KLF12: variants seen among roughly 807,000 people sequenced by gnomAD.
KLF12 encodes Krueppel-like factor 12.
Under a neutral mutation model 37.8 loss-of-function variants are expected in KLF12, and 9 were observed. The observed-to-expected ratio is 0.24, with a 90% CI of 0.14 to 0.42. The LOEUF is 0.42. Among genes scored for constraint, KLF12 ranks in the 10% least tolerant of loss-of-function variants. The probability of loss-of-function intolerance (pLI) is 1.00; values close to 1 mark genes in which losing one functional copy is unlikely to be tolerated. For synonymous variants in KLF12, 208 were observed against 202.1 expected, an observed-to-expected ratio of 1.03 and a Z score of -0.25; for missense variants, 411 against 516.0, an observed-to-expected ratio of 0.80 and a Z score of 1.97.
rs182777305 is a variant in KLF12 at position 74,010,125 on chromosome 13, T to A, written c.-31-15072A>T. 4.6e-5 allele frequency among the ~76,000 whole-genome samples: 7 copies of A among 151,928 alleles called. No homozygotes were observed. The East Asian group carries it at 1.4e-3, about 29-fold the overall frequency. ...CCACCACACCTGGCTGATTTTTTGG[T>A]AGAGACTGGGTTTTGTCACATGGCC... On this transcript the variant is annotated intron_variant, in intron 1 of 7. Transcript: ENST00000377669.
rs1306268375 is a variant in KLF12 at position 74,093,719 on chromosome 13, AT to A, written c.-32+40019del. On this transcript the variant is annotated intron_variant, in intron 1 of 7. Coordinates refer to ENST00000377669, the MANE Select transcript of KLF12 (RefSeq NM_007249.5). ...AAGAATTGACTCCAAAAAGAAAAAA[AT>A]ATATATATAAATATATATAGTGAGA... 7.3e-5 allele frequency among the ~76,000 whole-genome samples: 11 copies of A among 151,302 alleles called. No homozygotes were observed. In the East Asian group the frequency reaches 1.7e-3, roughly 24 times the overall value.
the KLF12 span, among the ~76,000 whole-genome samples, chr13:74,284,692 A>G: frequency 6.6e-6 from 1 of 152,178 alleles, no homozygotes; most frequent in Non-Finnish European, 1.5e-5. Flanking sequence ...CCTGGTGGGC[A>G]ATGGTGGCTT....
intron 4 of KLF12, among the ~76,000 whole-genome samples, chr13:73,818,820 G>T (rs1412202397): frequency 6.6e-6 from 1 of 152,212 alleles, no homozygotes; most frequent in Non-Finnish European, 1.5e-5. Context: ...GCGCCACAGG[G>T]CTGATGGACC....
intron 1 of KLF12, among the ~76,000 whole-genome samples, chr13:74,077,387 TC>T (rs2138735971): frequency 6.6e-6 from 1 of 152,342 alleles, no homozygotes; most frequent in East Asian, 1.9e-4. Context: ...AAGGGTATAT[TC>T]TATACTAAAA....
In KLF12 at chr13:73,806,723, C is replaced by T. The variant is rs189517452; in HGVS notation, c.806+6429G>A. ...GAGAATAAACCTCTCCAGGCCTCCG[C>T]TTCTTTATCTGTAGGATACAGACAG... On this transcript the variant is annotated intron_variant, in intron 5 of 7. Transcript: ENST00000377669. Among the ~76,000 whole-genome samples the T allele has an allele frequency of 1.2e-3, 178 of 151,498 alleles. 1 individual carries two copies. The highest frequency in any genetic ancestry group is 4.2e-3 in the African/African-American group (172 of 41,320).
chr13:73,875,289 C>T (rs1349223307), intron 3 of KLF12, among the ~76,000 whole-genome samples: 1 of 152,088 alleles, frequency 6.6e-6, no homozygotes, highest in Non-Finnish European at 1.5e-5. Flanking sequence ...GTTACAAAGA[C>T]CAGTTTGACA....
At chr13:74,230,522 A>G in the KLF12 span, among the ~76,000 whole-genome samples, 1 of 152,186 alleles carries the variant, frequency 6.6e-6, no homozygotes, top group Non-Finnish European at 1.5e-5. Context: ...CAAAAATTCT[A>G]TTCAAGGGCT....
chr13:74,156,965 T>C, the KLF12 span, among the ~76,000 whole-genome samples: 2 of 152,178 alleles, frequency 1.3e-5, no homozygotes, highest in Non-Finnish European at 1.5e-5. Flanking sequence ...ACTTTGGAAA[T>C]TTGACAGAGA....
chr13:74,188,491 T>C, the KLF12 span, among the ~76,000 whole-genome samples: 1 of 152,190 alleles, frequency 6.6e-6, no homozygotes, highest in Non-Finnish European at 1.5e-5. Flanking sequence ...AATTGAAATA[T>C]GTTATTGTTT....
intron 3 of KLF12, among the ~76,000 whole-genome samples, chr13:73,921,812 T>C (rs1214650827): frequency 2.6e-5 from 4 of 152,198 alleles, no homozygotes; most frequent in African/African-American, 9.6e-5. Context: ...TTTGCAGTTA[T>C]CTGCAGCTAA....
At chr13:74,112,323 A>G (rs766176415) in intron 1 of KLF12, among the ~76,000 whole-genome samples, 7 of 146,610 alleles carry the variant, frequency 4.8e-5, no homozygotes, top group African/African-American at 1.3e-4. Context: ...AGAATATAAA[A>G]AGTTCTTTAT....
the KLF12 span, among the ~76,000 whole-genome samples, chr13:74,155,772 A>G: frequency 2.0e-5 from 3 of 152,186 alleles, no homozygotes; most frequent in East Asian, 5.8e-4. Flanking sequence ...CGCTGGTGAT[A>G]TATTCCCTTC....
intron 4 of KLF12, among the ~76,000 whole-genome samples, chr13:73,820,781 C>T (rs545675930): frequency 1.3e-5 from 2 of 152,332 alleles, no homozygotes; most frequent in South Asian, 2.1e-4. Flanking sequence ...TTATAATTCC[C>T]TAGTGCAAGG....
chr13:73,746,032 G>A (rs1425875793), intron 6 of KLF12, among the ~76,000 whole-genome samples: 1 of 150,958 alleles, frequency 6.6e-6, no homozygotes, highest in African/African-American at 2.5e-5. Context: ...ACAACGGTGT[G>A]GCACCTGGCT....
intron 3 of KLF12, among the ~76,000 whole-genome samples, chr13:73,938,289 G>A (rs1890037138): frequency 6.6e-6 from 1 of 152,000 alleles, no homozygotes; most frequent in South Asian, 2.1e-4. Context: ...GAGGAAAAAA[G>A]TTAGGCTAAT....
the KLF12 span, among the ~76,000 whole-genome samples, chr13:74,227,648 C>T: frequency 1.3e-5 from 2 of 152,040 alleles, no homozygotes; most frequent in Admixed American, 6.6e-5. Context: ...TAAGAATCCC[C>T]GTGGTTATAG....
chr13:74,046,194 C>G (rs1025942580), intron 1 of KLF12, among the ~76,000 whole-genome samples: 1 of 152,116 alleles, frequency 6.6e-6, no homozygotes, highest in Non-Finnish European at 1.5e-5. Flanking sequence ...TATTGGTTCA[C>G]TAATCGAAAC....
At chr13:73,840,079 G>A (rs1235471701) in intron 4 of KLF12, among the ~76,000 whole-genome samples, 2 of 151,984 alleles carry the variant, frequency 1.3e-5, no homozygotes, top group African/African-American at 2.4e-5. Flanking sequence ...CCATTCCACT[G>A]ACACACTGCA....
intron 3 of KLF12, among the ~76,000 whole-genome samples, chr13:73,941,965 C>T (rs1047887018): frequency 6.6e-6 from 1 of 152,130 alleles, no homozygotes. Context: ...TTAGGCAATA[C>T]CTATGAACCC....
Sources: gnomAD v4.1 joint callset for allele counts (sites outside exome capture counted in the v4.1 genomes callset) on GRCh38, gnomAD v4.1.1 for gene constraint, MANE v1.5 for transcripts, NCBI Gene and HGNC (gene_info 2026-07-23, HGNC 2026-07-21) for gene names.